NAV2: variants seen among roughly 807,000 people sequenced by gnomAD.
NAV2 encodes helicase, APC down-regulated 1.
In NAV2, 54 loss-of-function variants were observed where a neutral mutation model predicts 223.2. The observed-to-expected ratio is 0.24, with a 90% CI of 0.19 to 0.30. The LOEUF (loss-of-function observed/expected upper bound fraction) is 0.30. Among genes scored for constraint, NAV2 ranks in the 10% least tolerant of loss-of-function variants. The probability of loss-of-function intolerance (pLI) is 1.00; values close to 1 mark genes in which losing one functional copy is unlikely to be tolerated. For synonymous variants in NAV2, 1,279 were observed against 1,239.3 expected (o/e 1.03, Z -0.67); for missense variants, 2,806 against 3,147.5 (o/e 0.89, Z 2.60).
At chr11:20,032,135 G>T (rs2055825544) in intron 11 of NAV2, among the ~76,000 whole-genome samples, 1 of 152,222 alleles carries the variant, frequency 6.6e-6, no homozygotes. Context: ...TTTTCCAGCT[G>T]CAGGGGCAGC....
chr11:19,924,975 G>A (rs2044607585), intron 6 of NAV2, among the ~76,000 whole-genome samples: 1 of 152,182 alleles, frequency 6.6e-6, no homozygotes, highest in South Asian at 2.1e-4. Context: ...TTTTTAAATA[G>A]TAGGCATTCC....
chr11:19,361,765 T>A (rs570802487), intron 1 of NAV2, among the ~76,000 whole-genome samples: 5 of 152,238 alleles, frequency 3.3e-5, no homozygotes, highest in African/African-American at 1.2e-4. Flanking sequence ...TAGTAGAACA[T>A]CACGAAGCCC....
intron 3 of NAV2, among the ~76,000 whole-genome samples, chr11:19,861,808 T>C (rs927665313): frequency 1.3e-5 from 2 of 152,238 alleles, no homozygotes; most frequent in Non-Finnish European, 2.9e-5. Flanking sequence ...AGAGAAAGCA[T>C]ACACAGAATG....
intron 1 of NAV2, among the ~76,000 whole-genome samples, chr11:19,438,061 G>A (rs936888620): frequency 8.5e-5 from 13 of 152,192 alleles, no homozygotes; most frequent in Admixed American, 2.6e-4. Context: ...CCTTGGCAAT[G>A]ACATAAAGTG....
upstream of NAV2, among the ~76,000 whole-genome samples, chr11:19,345,788 T>C (rs1374463344): frequency 6.6e-6 from 1 of 152,216 alleles, no homozygotes; most frequent in Non-Finnish European, 1.5e-5. This position sits in a 1 kb window ranked among gnomAD's most constrained non-coding sequence, Gnocchi z 5.2. Context: ...TGTGTGTCCC[T>C]CTGGGCGTAC....
chr11:19,408,516 G>C (rs1414423735), intron 1 of NAV2, among the ~76,000 whole-genome samples: 1 of 152,204 alleles, frequency 6.6e-6, no homozygotes, highest in Non-Finnish European at 1.5e-5. Context: ...CCCCTTGGCA[G>C]TTCAGGTCCT....
intron 1 of NAV2, among the ~76,000 whole-genome samples, chr11:19,775,634 A>G (rs904383189): frequency 2.6e-5 from 4 of 152,256 alleles, no homozygotes; most frequent in Admixed American, 2.0e-4. Flanking sequence ...TTAACTCAGT[A>G]GGCAAAACAA....
chr11:19,518,067 T>G (rs1392663978), intron 1 of NAV2, among the ~76,000 whole-genome samples: 1 of 152,210 alleles, frequency 6.6e-6, no homozygotes, highest in Non-Finnish European at 1.5e-5. Context: ...GTAGGGTGAA[T>G]AGAGTGGGCT....
intron 1 of NAV2, among the ~76,000 whole-genome samples, chr11:19,784,975 A>C (rs1253426030): frequency 2.6e-5 from 4 of 152,150 alleles, no homozygotes; most frequent in African/African-American, 9.7e-5. Context: ...AAGGTGGATT[A>C]ATGTTAGGGT....
At chr11:20,054,660 C>T (rs1591879831) in intron 18 of NAV2, among the ~76,000 whole-genome samples, 1 of 152,132 alleles carries the variant, frequency 6.6e-6, no homozygotes, top group Admixed American at 6.5e-5. Context: ...GATTTTATCG[C>T]ATATCCCATG....
At chr11:19,613,121 A>G (rs561404834) in intron 1 of NAV2, among the ~76,000 whole-genome samples, 5 of 152,222 alleles carry the variant, frequency 3.3e-5, no homozygotes, top group African/African-American at 1.2e-4. Context: ...AGAGCATGGG[A>G]AAGACCGGCC....
At chr11:19,849,171 C>T (rs535473762) in intron 3 of NAV2, among the ~76,000 whole-genome samples, 1 of 152,252 alleles carries the variant, frequency 6.6e-6, no homozygotes, top group East Asian at 1.9e-4. Context: ...AAAGGGTGCT[C>T]GTGGTCCCAG....
intron 1 of NAV2, among the ~76,000 whole-genome samples, chr11:19,777,027 A>C (rs2056284579): frequency 6.6e-6 from 1 of 151,572 alleles, no homozygotes; most frequent in Admixed American, 6.6e-5. Context: ...GGGCCCACTG[A>C]AGCGCCGGGT....
At chr11:19,930,315 T>A (rs1255643503) in intron 6 of NAV2, among the ~76,000 whole-genome samples, 1 of 151,904 alleles carries the variant, frequency 6.6e-6, no homozygotes, top group Non-Finnish European at 1.5e-5. Flanking sequence ...TTGTTAGTGT[T>A]AAAAAAAATA....
rs1259545758 is a variant in NAV2, at chr11:20,054,145, C to T, written c.4547C>T (p.Ala1516Val). The part of the protein sequence containing the change: ...DAKEWLRSHS[A>V]GGLQDTAANS... ...AAAGAATGGTTACGGTCCCATTCTG[C>T]AGGAGGCCTTCAGGACACCGCTGCC... Residue 1516 changes from alanine (A) to valine (V), a missense_variant, in exon 18 of 38, where the codon GCA (alanine) becomes GTA (valine). This residue lies in a region of NAV2 where 742 missense variants were observed against 777.9 expected (regional missense o/e 0.95). Transcript: ENST00000349880. The T allele has an allele frequency of 1.2e-6, 2 of 1,613,784 alleles. No homozygotes were observed. The highest frequency in any genetic ancestry group is 2.2e-5 in the East Asian group (1 of 44,862).
Position 20,035,978 on chromosome 11 carries a change from G to C in NAV2, c.2788G>C (p.Val930Leu), listed in dbSNP as rs752368978. 6.2e-7 allele frequency: 1 copy of C among 1,614,126 alleles called. No individual in the cohort carries two copies. Among genetic ancestry groups the C allele is most frequent in the Non-Finnish European group, 8.5e-7 (1 of 1,180,014 alleles). Residue 930 changes from valine to leucine, a missense_variant, in exon 12 of 38, where the codon GTC becomes CTC. Val to Leu is a conservative substitution (Grantham distance 32, BLOSUM62 1). Transcript: ENST00000349880. ...DADSWDDSSSVSSGISDTIDN... is the reference protein window; with the variant it reads ...DADSWDDSSSLSSGISDTIDN... Reference sequence around the variant, plus strand: ...TGGCAGCTGGGACGACAGCAGCTCCGTCAGCAGCGGCATCAGCGACACCAT... The same window carrying C: ...TGGCAGCTGGGACGACAGCAGCTCCCTCAGCAGCGGCATCAGCGACACCAT...
intron 1 of NAV2, among the ~76,000 whole-genome samples, chr11:19,726,426 G>T (rs574930895): frequency 5.9e-5 from 9 of 152,306 alleles, no homozygotes; most frequent in Admixed American, 5.9e-4. Context: ...AGATGAGGAT[G>T]CCACGCCTCA....
intron 1 of NAV2, among the ~76,000 whole-genome samples, chr11:19,736,713 T>C (rs182109487): frequency 3.3e-5 from 5 of 152,280 alleles, no homozygotes; most frequent in African/African-American, 7.2e-5. Flanking sequence ...GTCTGGTGCC[T>C]CCAAAGCCCA....
intron 1 of NAV2, among the ~76,000 whole-genome samples, chr11:19,769,817 C>T (rs923478144): frequency 1.3e-5 from 2 of 152,308 alleles, no homozygotes; most frequent in South Asian, 2.1e-4. Context: ...TAACTTTTAG[C>T]AACCACATTC....
Sources: gnomAD v4.1 joint callset for allele counts (sites outside exome capture counted in the v4.1 genomes callset) on GRCh38, gnomAD v4.1.1 for gene constraint, gnomAD v4.1.1 regional missense constraint, Gnocchi (gnomAD v3.1) non-coding constraint, MANE v1.5 for transcripts, NCBI Gene and HGNC (gene_info 2026-07-23, HGNC 2026-07-21) for gene names.